LNX2: variants seen among roughly 807,000 people sequenced by gnomAD.
The protein encoded by LNX2 is ligand of numb-protein X 2.
A neutral mutation model predicts 66.2 loss-of-function variants in LNX2; 35 were observed. That is an observed-to-expected ratio of 0.53 (90% CI 0.40 to 0.70). The LOEUF is 0.70. Among genes scored for constraint, LNX2 ranks in the 30% least tolerant of loss-of-function variants. The probability of loss-of-function intolerance (pLI) is 0.00; values close to 1 mark genes in which losing one functional copy is unlikely to be tolerated. For synonymous variants in LNX2, 337 were observed against 315.6 expected (o/e 1.07, Z -0.72); for missense variants, 791 against 850.8 (o/e 0.93, Z 0.87).
At chr13:27,572,554 T>C (rs550029875) in intron 2 of LNX2, among the ~76,000 whole-genome samples, 1 of 152,310 alleles carries the variant, frequency 6.6e-6, no homozygotes, top group South Asian at 2.1e-4. Flanking sequence ...CAAAATGCTC[T>C]TGCAGCAGCC....
At chr13:27,602,319 AG>A (rs1955666513) in intron 1 of LNX2, among the ~76,000 whole-genome samples, 1 of 152,152 alleles carries the variant, frequency 6.6e-6, no homozygotes, top group Non-Finnish European at 1.5e-5. Context: ...ATCCCTATTA[AG>A]ATAGAGAACA....
At chr13:27,603,621 C>T (rs1955682106) in intron 1 of LNX2, among the ~76,000 whole-genome samples, 1 of 152,158 alleles carries the variant, frequency 6.6e-6, no homozygotes, top group Admixed American at 6.5e-5. Context: ...AAGCCACTAG[C>T]GGTGCCTGAA....
intron 1 of LNX2, among the ~76,000 whole-genome samples, chr13:27,585,648 G>A (rs1294665252): frequency 5.3e-5 from 8 of 151,980 alleles, no homozygotes; most frequent in Admixed American, 3.9e-4. Flanking sequence ...AGACAGACAC[G>A]TCCAAGCTAG....
At chr13:27,593,357 C>T (rs1299197392) in intron 1 of LNX2, among the ~76,000 whole-genome samples, 1 of 152,134 alleles carries the variant, frequency 6.6e-6, no homozygotes, top group Non-Finnish European at 1.5e-5. Context: ...TCCATTTCAT[C>T]TCCAATAGTT....
chr13:27,550,185 CA>C (rs1954989100), intron 9 of LNX2, 147 bp downstream of exon 9: 19 of 622,316 alleles, frequency 3.1e-5, no homozygotes, highest in Non-Finnish European at 4.9e-5. Context: ...CCAGAGAGTA[CA>C]TAAACCAGTA....
rs1555267008 is a variant in LNX2, at chr13:27,560,585, A to ATATATATATATATG, written c.1225-601_1225-600insCATATATATATATA. On this transcript the variant is annotated intron_variant, in intron 5 of 9. Coordinates refer to ENST00000316334, the MANE Select transcript of LNX2 (RefSeq NM_153371.4). Reference sequence around the variant, plus strand: ...TGTGTGTATATATATATATATATATAGCATACTTGTGTGAATGTGACACAC... The same window carrying ATATATATATATATG: ...TGTGTGTATATATATATATATATATATATATATATATATGGCATACTTGTGTGAATGTGACACAC... Among the ~76,000 whole-genome samples the ATATATATATATATG allele has an allele frequency of 2.6e-4, 38 of 147,674 alleles. 2 individuals carry two copies. Among genetic ancestry groups the ATATATATATATATG allele is most frequent in the African/African-American group, 8.8e-4 (35 of 39,838 alleles).
chr13:27,575,934 A>C (rs1955336247), intron 2 of LNX2, among the ~76,000 whole-genome samples: 1 of 152,244 alleles, frequency 6.6e-6, no homozygotes, highest in African/African-American at 2.4e-5. Flanking sequence ...AAAAGAAATA[A>C]GACATATAGA....
chr13:27,558,174 G>C (rs1469619499), intron 6 of LNX2, among the ~76,000 whole-genome samples: 1 of 152,020 alleles, frequency 6.6e-6, no homozygotes, highest in Non-Finnish European at 1.5e-5. Flanking sequence ...TGTCTGAAAA[G>C]ATTGTTTTGG....
intron 4 of LNX2, 132 bp from the exon 5 acceptor site, chr13:27,562,913 C>T (rs919511797): frequency 1.4e-4 from 120 of 881,672 alleles, no homozygotes; most frequent in Non-Finnish European, 1.9e-4. Flanking sequence ...GCTATACAAT[C>T]ATTATTTACA....
At chr13:27,592,721 C>T (rs1238557038) in intron 1 of LNX2, among the ~76,000 whole-genome samples, 2 of 152,034 alleles carry the variant, frequency 1.3e-5, no homozygotes, top group African/African-American at 4.8e-5. Context: ...ACGAAGAGGA[C>T]CAGGCAGAGG....
In LNX2 at chr13:27,562,642, G is replaced by T. The variant is rs1347130247; in HGVS notation, c.995C>A (p.Ser332Tyr). ...CACTTGGAAAATCTCTTCTCGTGGA[G>T]AGTTACTATCAGAATGGTTGTGTGC... is the stretch of plus-strand genomic sequence containing the variant. The part of the protein sequence containing the change: ...NRAHNHSDSN[S>Y]PREEIFQVAL... The change falls in exon 5 of 10, where the codon TCT becomes TAT. Residue 332 changes from serine (S) to tyrosine (Y), a missense_variant. Physicochemically the swap from Ser to Tyr is moderately radical, Grantham distance 144. Transcript: ENST00000316334. 6 of 1,614,182 alleles carry T rather than the reference G, an allele frequency of 3.7e-6. No homozygotes were observed. Among genetic ancestry groups the T allele is most frequent in the Non-Finnish European group, 5.1e-6 (6 of 1,180,046 alleles).
intron 1 of LNX2, among the ~76,000 whole-genome samples, chr13:27,593,760 T>C (rs993045170): frequency 2.0e-5 from 3 of 148,042 alleles, no homozygotes; most frequent in Non-Finnish European, 3.0e-5. Flanking sequence ...GTGTGTTCTT[T>C]TTTTTTTTTT....
intron 1 of LNX2, among the ~76,000 whole-genome samples, chr13:27,585,378 C>T (rs1414629664): frequency 6.6e-6 from 1 of 151,480 alleles, no homozygotes; most frequent in Non-Finnish European, 1.5e-5. Context: ...GCCAAGATCG[C>T]ACCACTGCAC....
chr13:27,549,137 T>C (rs76119019), intron 9 of LNX2, among the ~76,000 whole-genome samples: 6,659 of 152,280 alleles, frequency 0.044, 208 homozygotes, highest in Non-Finnish European at 0.067. Flanking sequence ...TTAATTCATT[T>C]TTCCCTACTC....
At chr13:27,564,059 C>T (rs1955173985) in intron 4 of LNX2, among the ~76,000 whole-genome samples, 1 of 152,190 alleles carries the variant, frequency 6.6e-6, no homozygotes, top group Non-Finnish European at 1.5e-5. Flanking sequence ...CCATTTCCAA[C>T]TATTTAGCTA....
chr13:27,553,854 A>G (rs1955031158), intron 7 of LNX2, among the ~76,000 whole-genome samples: 1 of 152,196 alleles, frequency 6.6e-6, no homozygotes, highest in Admixed American at 6.5e-5. Flanking sequence ...ATTCTGCTTT[A>G]TATTTACACA....
Position 27,547,392 on chromosome 13 carries a change from GATAAC to G in LNX2, c.*938_*942del, listed in dbSNP as rs1449648361. ...TATCATCCAAATTCCTTTGTAACTG[GATAAC>G]ATTATCTTTTATCCTCTACTATTCT... is the stretch of plus-strand genomic sequence containing the variant. On this transcript the variant is annotated 3_prime_UTR_variant, in exon 10 of 10. Transcript: ENST00000316334. 2.0e-5 allele frequency: 3 copies of G among 152,046 alleles called. No homozygotes were observed. The highest frequency in any genetic ancestry group is 6.6e-5 in the Admixed American group (1 of 15,256). The allele number at this position is 152,046 out of a possible 1,614,324, so 9.4% of individuals were successfully genotyped here.
At chr13:27,586,835 G>A (rs1955492262) in intron 1 of LNX2, among the ~76,000 whole-genome samples, 1 of 152,138 alleles carries the variant, frequency 6.6e-6, no homozygotes, top group African/African-American at 2.4e-5. Flanking sequence ...GTTAGCTTGG[G>A]CGGGATTATT....
intron 1 of LNX2, among the ~76,000 whole-genome samples, chr13:27,588,560 A>C (rs1028192319): frequency 3.3e-5 from 5 of 152,340 alleles, no homozygotes; most frequent in African/African-American, 1.2e-4. Flanking sequence ...GTGACAACGG[A>C]AATTGTATCA....
Sources: allele counts gnomAD v4.1 joint callset (sites outside exome capture counted in the v4.1 genomes callset), GRCh38; gene constraint gnomAD v4.1.1; transcripts MANE v1.5; gene names NCBI Gene and HGNC (gene_info 2026-07-23, HGNC 2026-07-21).